Variants in PINX1 observed in about 807,000 individuals in gnomAD.
PINX1 encodes PIN2/TERF1-interacting telomerase inhibitor 1.
PINX1 carries 34 observed loss-of-function variants against 25.4 expected under a neutral mutation model. The observed-to-expected ratio is 1.34, with a 90% CI of 1.02 to 1.78. The LOEUF (loss-of-function observed/expected upper bound fraction) is 1.78. Among genes scored for constraint, PINX1 ranks in the 40% most tolerant of loss-of-function variants. PINX1 has a pLI of 0.00. For missense variants in PINX1, 592 were observed against 404.9 expected (o/e 1.46, Z -3.97); for synonymous variants, 197 against 147.7 (o/e 1.33, Z -2.42).
intron 6 of PINX1, among the ~76,000 whole-genome samples, chr8:10,792,081 C>T (rs1209655424): frequency 2.0e-5 from 3 of 152,170 alleles, no homozygotes; most frequent in African/African-American, 7.2e-5. Flanking sequence ...TTACGATCAG[C>T]TATTGGAGTC....
At chr8:10,812,909 C>G (rs746061632) in intron 6 of PINX1, among the ~76,000 whole-genome samples, 2 of 152,218 alleles carry the variant, frequency 1.3e-5, no homozygotes, top group Non-Finnish European at 2.9e-5. Context: ...GATACATGTC[C>G]TACCTTCTAA....
intron 6 of PINX1, among the ~76,000 whole-genome samples, chr8:10,809,583 G>C (rs950329810): frequency 6.6e-6 from 1 of 152,170 alleles, no homozygotes; most frequent in African/African-American, 2.4e-5. Context: ...ATATCCCACT[G>C]CACTGTGGGT....
At chr8:10,806,200 G>A (rs1291573250) in intron 6 of PINX1, among the ~76,000 whole-genome samples, 1 of 152,056 alleles carries the variant, frequency 6.6e-6, no homozygotes, top group Non-Finnish European at 1.5e-5. Context: ...ACAGGAAGGG[G>A]CCACACTAGT....
In PINX1 at chr8:10,784,859, C is replaced by G. The variant is rs566936690; in HGVS notation, c.472-18943G>C. On this transcript the variant is annotated intron_variant, in intron 6 of 6. Coordinates refer to ENST00000314787, the MANE Select transcript of PINX1 (RefSeq NM_017884.6). ...CAGAAAAGATAAACTTGTCAAAGAA[C>G]AACAGATGACAAATCAAAGACTAAA... 2.0e-5 allele frequency among the ~76,000 whole-genome samples: 3 copies of G among 152,166 alleles called. No individual in the cohort carries two copies. The South Asian group carries it at 6.2e-4, about 31-fold the overall frequency.
In PINX1 at chr8:10,826,056, G is replaced by C. The variant is rs1798027583; in HGVS notation, c.394+96C>G. 2.3e-5 allele frequency: 15 copies of C among 653,058 alleles called. No individual in the cohort carries two copies. The South Asian group carries it at 2.7e-4, about 12-fold the overall frequency. 40.5% of individuals were successfully genotyped at this position (653,058 alleles called of 1,614,324 possible). ...CAATGCAGTCGGAGCTGTCCATAAA[G>C]CATGAAGTCGCTATTGGCCCAGAGC... is the stretch of plus-strand genomic sequence containing the variant. On this transcript the variant is annotated intron_variant, in intron 5 of 6. Transcript: ENST00000314787.
chr8:10,826,961 AG>A (rs1323199695), intron 4 of PINX1, among the ~76,000 whole-genome samples: 3 of 152,232 alleles, frequency 2.0e-5, no homozygotes, highest in African/African-American at 7.2e-5. Context: ...AAAATTGCAC[AG>A]AACCATCCGC....
intron 6 of PINX1, among the ~76,000 whole-genome samples, chr8:10,812,611 C>T (rs958162754): frequency 6.6e-6 from 1 of 152,218 alleles, no homozygotes; most frequent in Non-Finnish European, 1.5e-5. Context: ...CTGATAACCA[C>T]ACCCATTTCT....
At chr8:10,832,372 C>G (rs1293460027) in intron 3 of PINX1, among the ~76,000 whole-genome samples, 3 of 152,174 alleles carry the variant, frequency 2.0e-5, no homozygotes, top group Non-Finnish European at 4.4e-5. Context: ...CTGCCTTACT[C>G]ACATTCTTAG....
chr8:10,838,742 G>C (rs1403200522), intron 1 of PINX1, among the ~76,000 whole-genome samples: 1 of 152,184 alleles, frequency 6.6e-6, no homozygotes, highest in African/African-American at 2.4e-5. Flanking sequence ...GTCTCCGCTG[G>C]TCTTACTGGC....
chr8:10,818,131 A>C (rs1409161490), intron 6 of PINX1, among the ~76,000 whole-genome samples: 1 of 152,140 alleles, frequency 6.6e-6, no homozygotes, highest in Non-Finnish European at 1.5e-5. Flanking sequence ...CCTCACCAAC[A>C]GGTAGGACCT....
chr8:10,765,891 T>C lies in PINX1; in HGVS notation c.497A>G (p.Glu166Gly). ...PEGDASPSTP[E>G]ENETTTTSAF... ...GCTGGTTGTCGTGGTTTCGTTCTCC[T>C]CTGGAGTGGAGGGACTGGCATCGCC... is the stretch of plus-strand genomic sequence containing the variant. Residue 166 changes from glutamate (E) to glycine (G), a missense_variant, in exon 7 of 7, where the codon GAG becomes GGG. Physicochemically the swap from Glu to Gly is moderately conservative, Grantham distance 98. Transcript: ENST00000314787. The C allele has an allele frequency of 6.2e-7, 1 of 1,613,826 alleles. No homozygotes were observed. The highest frequency in any genetic ancestry group is 2.2e-5 in the East Asian group (1 of 44,878).
intron 6 of PINX1, among the ~76,000 whole-genome samples, chr8:10,803,371 C>T (rs1802330784): frequency 6.6e-6 from 1 of 152,204 alleles, no homozygotes; most frequent in African/African-American, 2.4e-5. Context: ...TCAGTTTCCT[C>T]ACCAGCTCAT....
At chr8:10,837,496 C>G (rs553834030) in intron 1 of PINX1, among the ~76,000 whole-genome samples, 2 of 152,198 alleles carry the variant, frequency 1.3e-5, no homozygotes, top group Non-Finnish European at 2.9e-5. Flanking sequence ...TCCCCCAGCA[C>G]ATCATTGAAT....
chr8:10,804,123 G>A (rs1317999309), intron 6 of PINX1, among the ~76,000 whole-genome samples: 2 of 152,222 alleles, frequency 1.3e-5, no homozygotes, highest in African/African-American at 4.8e-5. Flanking sequence ...GACACACACT[G>A]TTGAAAGGAC....
intron 6 of PINX1, among the ~76,000 whole-genome samples, chr8:10,769,818 G>T (rs1325413388): frequency 6.6e-6 from 1 of 152,124 alleles, no homozygotes; most frequent in African/African-American, 2.4e-5. Context: ...CCGACTCCTA[G>T]CTCCCACCTC....
chr8:10,825,472 C>T (rs1444171149), intron 5 of PINX1: 1 of 534,382 alleles, frequency 1.9e-6, no homozygotes, highest in Non-Finnish European at 3.8e-6. Context: ...GGAGTTGGTT[C>T]TATTAGGTTA....
chr8:10,766,055 A>ACACCC, intron 6 of PINX1, 139 bp from the exon 7 acceptor site: 2 of 781,416 alleles, frequency 2.6e-6, no homozygotes, highest in Non-Finnish European at 4.2e-6. Flanking sequence ...CCCGGCACTT[A>ACACCC]GGAGACAAGG....
chr8:10,809,385 T>G (rs1802554752), intron 6 of PINX1, among the ~76,000 whole-genome samples: 1 of 152,246 alleles, frequency 6.6e-6, no homozygotes, highest in South Asian at 2.1e-4. Context: ...TACAGACCAC[T>G]GACAGAACAG....
chr8:10,817,606 C>T (rs1356481380), intron 6 of PINX1, among the ~76,000 whole-genome samples: 1 of 152,226 alleles, frequency 6.6e-6, no homozygotes, highest in Non-Finnish European at 1.5e-5. Context: ...TTTCTGCACA[C>T]ATGCAGGCAT....
Sources: gnomAD v4.1 joint callset for allele counts (sites outside exome capture counted in the v4.1 genomes callset) on GRCh38, gnomAD v4.1.1 for gene constraint, MANE v1.5 for transcripts, NCBI Gene and HGNC (gene_info 2026-07-23, HGNC 2026-07-21) for gene names.